SGCD: variants seen among roughly 807,000 people sequenced by gnomAD.
The protein encoded by SGCD is sarcoglycan delta, also known as delta-sarcoglycan.
A neutral mutation model predicts 36.6 loss-of-function variants in SGCD; 18 were observed. The ratio of observed to expected loss-of-function variants is 0.49; its 90% CI spans 0.34 to 0.73. The LOEUF (loss-of-function observed/expected upper bound fraction) is 0.73, where lower values mean the gene tolerates loss of function less well. Ranked by LOEUF, SGCD falls within the 30% of genes least tolerant of loss-of-function variation. SGCD has a pLI of 0.01. For synonymous variants in SGCD, 133 were observed against 130.6 expected, an observed-to-expected ratio of 1.02 and a Z score of -0.12; for missense variants, 387 against 346.7, an observed-to-expected ratio of 1.12 and a Z score of -0.92.
chr5:155,920,169 C>T (rs1756842869), intron 1 of SGCD, among the ~76,000 whole-genome samples: 1 of 152,202 alleles, frequency 6.6e-6, no homozygotes, highest in Non-Finnish European at 1.5e-5. Context: ...CTGGTTGGGA[C>T]ACACTGCAAT....
chr5:156,450,848 T>C (rs1345708467), intron 3 of SGCD, among the ~76,000 whole-genome samples: 1 of 152,196 alleles, frequency 6.6e-6, no homozygotes, highest in Non-Finnish European at 1.5e-5. Flanking sequence ...TATATATCAT[T>C]TGAAAAGTAC....
intron 1 of SGCD, among the ~76,000 whole-genome samples, chr5:155,983,481 G>A (rs1294160704): frequency 6.6e-6 from 1 of 152,142 alleles, no homozygotes; most frequent in East Asian, 1.9e-4. Flanking sequence ...TGTATTTTTA[G>A]TAGAGATGGG....
chr5:156,635,665 G>C (rs1185057945), intron 6 of SGCD, among the ~76,000 whole-genome samples: 1 of 152,138 alleles, frequency 6.6e-6, no homozygotes, highest in African/African-American at 2.4e-5. Flanking sequence ...ACTGGATTAA[G>C]AAAATGTGGC....
chr5:156,191,886 A>G (rs1218098417), intron 3 of SGCD, among the ~76,000 whole-genome samples: 2 of 152,182 alleles, frequency 1.3e-5, no homozygotes, highest in African/African-American at 4.8e-5. Context: ...GTTAGGTTTC[A>G]TCTGTCTCTC....
At chr5:156,018,518 A>C (rs936429851) in intron 1 of SGCD, among the ~76,000 whole-genome samples, 4 of 152,202 alleles carry the variant, frequency 2.6e-5, no homozygotes, top group Admixed American at 1.3e-4. Flanking sequence ...TTGCAGACTT[A>C]TGTACACGTG....
rs148282372 is a variant in SGCD, at chr5:156,141,594, G to T, written c.-44+17575G>T. 2.6e-5 allele frequency among the ~76,000 whole-genome samples: 4 copies of T among 152,230 alleles called. No homozygotes were observed. In the East Asian group the frequency reaches 7.7e-4, roughly 29 times the overall value. ...GACAAATCTGGTAGATCAATGCAGT[G>T]GTTTTTCCTCTTATTATAAAGACCC... On this transcript the variant is annotated intron_variant, in intron 3 of 9. Transcript: ENST00000517913.
intron 1 of SGCD, among the ~76,000 whole-genome samples, chr5:155,937,617 A>G (rs935449335): frequency 2.0e-5 from 3 of 152,160 alleles, no homozygotes; most frequent in Non-Finnish European, 4.4e-5. Context: ...GCTGGGATGA[A>G]CAAACTTGGG....
intron 3 of SGCD, among the ~76,000 whole-genome samples, chr5:156,153,897 C>T (rs1325915026): frequency 2.6e-5 from 4 of 151,656 alleles, no homozygotes; most frequent in African/African-American, 9.8e-5. Context: ...AGAATGACTG[C>T]TTTCAAGATT....
rs535462792 is a variant in SGCD at position 156,060,241 on chromosome 5, C to A, written c.-281-57637C>A. ...AAGTGTAGAGGAGAAATGTGGAGAC[C>A]AAACTGAGAGAGCCTTGAATGCCAC... On this transcript the variant is annotated intron_variant, in intron 1 of 9. Transcript: ENST00000517913. Among the ~76,000 whole-genome samples the A allele has an allele frequency of 2.1e-5, 3 of 145,932 alleles. No homozygotes were observed. The East Asian group carries it at 5.8e-4, about 28-fold the overall frequency.
At chr5:156,206,665 G>A (rs1004819895) in intron 3 of SGCD, among the ~76,000 whole-genome samples, 4 of 151,976 alleles carry the variant, frequency 2.6e-5, no homozygotes, top group Non-Finnish European at 5.9e-5. Flanking sequence ...GGGACACCAA[G>A]GCATTTAACC....
chr5:156,629,607 C>G (rs772598730), intron 6 of SGCD, among the ~76,000 whole-genome samples: 4 of 152,156 alleles, frequency 2.6e-5, no homozygotes, highest in Non-Finnish European at 5.9e-5. Context: ...ATGCAATAAT[C>G]TAGGCCAGGG....
At chr5:156,321,313 G>C (rs912261000) in intron 3 of SGCD, among the ~76,000 whole-genome samples, 1 of 152,058 alleles carries the variant, frequency 6.6e-6, no homozygotes, top group African/African-American at 2.4e-5. Flanking sequence ...CCAGCTACTC[G>C]GGAGGCTGAG....
chr5:156,155,449 T>C (rs1374694048), intron 3 of SGCD, among the ~76,000 whole-genome samples: 2 of 151,508 alleles, frequency 1.3e-5, no homozygotes, highest in African/African-American at 4.9e-5. Context: ...AGTTTTCTAA[T>C]GTTGACTTAA....
intron 7 of SGCD, among the ~76,000 whole-genome samples, chr5:156,719,208 C>A (rs183760596): frequency 2.6e-5 from 4 of 152,168 alleles, no homozygotes; most frequent in Non-Finnish European, 4.4e-5. Flanking sequence ...GAAAAGGTTG[C>A]AGTTTTTTTG....
chr5:155,840,824 C>T, the SGCD span, among the ~76,000 whole-genome samples: 4 of 151,444 alleles, frequency 2.6e-5, no homozygotes, highest in African/African-American at 9.7e-5. Context: ...CCAGCCTGAT[C>T]AACATGGAGA....
chr5:155,790,336 A>G, the SGCD span, among the ~76,000 whole-genome samples: 1 of 152,062 alleles, frequency 6.6e-6, no homozygotes, highest in Non-Finnish European at 1.5e-5. Flanking sequence ...ACTCTTCTTG[A>G]CTGCTTTTAT....
chr5:156,390,011 G>A (rs77006047), intron 3 of SGCD, among the ~76,000 whole-genome samples: 2,089 of 152,190 alleles, frequency 0.014, 20 homozygotes, highest in Non-Finnish European at 0.023. Context: ...CATAGTCGTC[G>A]TCTTATGGTA....
In SGCD at chr5:156,068,306, T is replaced by C. The variant is rs1168120768; in HGVS notation, c.-281-49572T>C. ...CCCCACAACAGTCCCCAGAGTGTGA[T>C]GTTCCCCTTCCTGTGTCCATGTGTT... On this transcript the variant is annotated intron_variant, in intron 1 of 9. Coordinates refer to the SGCD transcript ENST00000517913. 3.3e-5 allele frequency among the ~76,000 whole-genome samples: 5 copies of C among 151,312 alleles called. No homozygotes were observed. In the East Asian group the frequency reaches 9.8e-4, roughly 30 times the overall value.
intron 7 of SGCD, among the ~76,000 whole-genome samples, chr5:156,667,226 T>TA (rs1352144691): frequency 6.6e-6 from 1 of 152,118 alleles, no homozygotes; most frequent in African/African-American, 2.4e-5. Context: ...TAAACATATA[T>TA]ATTGAAAGTG....
Sources: gnomAD v4.1 joint callset for allele counts (sites outside exome capture counted in the v4.1 genomes callset) on GRCh38, gnomAD v4.1.1 for gene constraint, MANE v1.5 for transcripts, NCBI Gene and HGNC (gene_info 2026-07-23, HGNC 2026-07-21) for gene names.